The following ANTXR1 variants were observed in gnomAD, a reference collection of about 807,000 sequenced individuals.
ANTXR1 encodes anthrax toxin receptor 1.
Under a neutral mutation model 78.1 loss-of-function variants are expected in ANTXR1, and 19 were observed. The observed-to-expected ratio is 0.24, with a 90% CI of 0.17 to 0.36. The LOEUF is 0.36. Ranked by LOEUF, ANTXR1 falls within the 10% of genes least tolerant of loss-of-function variation. The pLI, the probability that ANTXR1 is intolerant of heterozygous loss-of-function variation, is 1.00. For synonymous variants in ANTXR1, 273 were observed against 260.5 expected (o/e 1.05, Z -0.46); for missense variants, 518 against 718.6 (o/e 0.72, Z 3.19).
Position 69,013,602 on chromosome 2 carries a change from G to A in ANTXR1, c.103G>A (p.Gly35Arg), listed in dbSNP as rs1027178399. The change falls in exon 1 of 18, where the codon GGG becomes AGG. Residue 35 changes from glycine (G) to arginine (R), a missense_variant. This residue lies in a region of ANTXR1 where 55 missense variants were observed against 52.5 expected (regional missense o/e 1.05). Coordinates refer to ENST00000303714, the MANE Select transcript of ANTXR1 (RefSeq NM_032208.3). This position sits in a 1 kb window ranked among gnomAD's most constrained non-coding sequence, Gnocchi z 5.0. The part of the protein sequence containing the change: ...CAGQGGRRED[G>R]GPACYGGFDL... ...CGGGCAAGGGGGACGCAGGGAGGAT[G>A]GGGGTCCAGCCTGCTACGGCGGATT... The A allele has an allele frequency of 2.6e-6, 4 of 1,561,398 alleles. No homozygotes were observed. The African/African-American group carries it at 4.0e-5, about 16-fold the overall frequency.
At chr2:69,151,460 G>A (rs1308764819) in intron 12 of ANTXR1, among the ~76,000 whole-genome samples, 1 of 152,052 alleles carries the variant, frequency 6.6e-6, no homozygotes, top group African/African-American at 2.4e-5. Context: ...ACCAAGTGGG[G>A]TCTCTGTTTG....
chr2:69,111,558 CTT>C (rs1671977548), intron 10 of ANTXR1, among the ~76,000 whole-genome samples: 1 of 152,314 alleles, frequency 6.6e-6, no homozygotes, highest in East Asian at 1.9e-4. Flanking sequence ...TATAGGCACA[CTT>C]TATTTTTTGA....
chr2:69,116,798 CAA>C (rs1672157617), intron 10 of ANTXR1, among the ~76,000 whole-genome samples: 1 of 152,138 alleles, frequency 6.6e-6, no homozygotes, highest in Admixed American at 6.5e-5. Context: ...ATATTTATAA[CAA>C]GAAAAGATTG....
intron 3 of ANTXR1, among the ~76,000 whole-genome samples, chr2:69,046,792 G>A (rs142536713): frequency 1.3e-5 from 2 of 152,274 alleles, no homozygotes; most frequent in East Asian, 1.9e-4. Context: ...ACAGGAATTT[G>A]TATTTTTCTA....
intron 17 of ANTXR1, among the ~76,000 whole-genome samples, chr2:69,232,421 G>A (rs1006908975): frequency 1.3e-5 from 2 of 150,014 alleles, no homozygotes; most frequent in African/African-American, 4.9e-5. Context: ...TAGCAATAAG[G>A]GATTAAACTC....
At chr2:69,138,930 A>G (rs1236879885) in intron 12 of ANTXR1, among the ~76,000 whole-genome samples, 2 of 152,206 alleles carry the variant, frequency 1.3e-5, no homozygotes, top group Non-Finnish European at 2.9e-5. Context: ...ATAGGTATCT[A>G]TAAAGCTCAA....
In ANTXR1 at chr2:69,246,231, A is replaced by C. The variant is rs1676018862; in HGVS notation, c.*746A>C. ...TCATGGGAGCATCAGCCAGTTTCTA[A>C]AACCCACAGGCCATCAGCAGCTAGA... On this transcript the variant is annotated 3_prime_UTR_variant, in exon 18 of 18. Coordinates refer to ENST00000303714, the MANE Select transcript of ANTXR1 (RefSeq NM_032208.3). The C allele has an allele frequency of 6.6e-6, 1 of 152,302 alleles. No individual in the cohort carries two copies. The highest frequency in any genetic ancestry group is 1.5e-5 in the Non-Finnish European group (1 of 68,038). 9.4% of individuals were successfully genotyped at this position (152,302 alleles called of 1,614,324 possible).
chr2:69,189,838 G>A (rs1674508249), intron 16 of ANTXR1, among the ~76,000 whole-genome samples: 1 of 152,186 alleles, frequency 6.6e-6, no homozygotes, highest in Non-Finnish European at 1.5e-5. Context: ...GCAGGTTTGG[G>A]GAGAAGAGTT....
At chr2:69,061,706 T>G (rs1670250499) in intron 3 of ANTXR1, among the ~76,000 whole-genome samples, 1 of 152,124 alleles carries the variant, frequency 6.6e-6, no homozygotes, top group Admixed American at 6.5e-5. Context: ...GAGATGTGAA[T>G]AAATAGGTCA....
intron 4 of ANTXR1, among the ~76,000 whole-genome samples, chr2:69,070,950 T>C (rs1421443412): frequency 2.0e-5 from 3 of 152,148 alleles, no homozygotes; most frequent in Non-Finnish European, 4.4e-5. Flanking sequence ...AATGGTTTGT[T>C]AGCTAATGGT....
At chr2:69,039,062 G>A (rs1038562864) in intron 1 of ANTXR1, among the ~76,000 whole-genome samples, 2 of 152,160 alleles carry the variant, frequency 1.3e-5, no homozygotes, top group African/African-American at 4.8e-5. Flanking sequence ...GAAAATGTTT[G>A]CAATACACAA....
intron 17 of ANTXR1, among the ~76,000 whole-genome samples, chr2:69,199,097 C>G (rs1252719807): frequency 6.6e-6 from 1 of 152,210 alleles, no homozygotes; most frequent in Non-Finnish European, 1.5e-5. Context: ...ACGGATAAGA[C>G]AAATTAACCA....
intron 10 of ANTXR1, among the ~76,000 whole-genome samples, chr2:69,109,970 T>TA (rs1012033999): frequency 2.0e-5 from 3 of 152,106 alleles, no homozygotes; most frequent in African/African-American, 4.8e-5. Flanking sequence ...TAAAATCGGT[T>TA]AAAAAAAGGT....
intron 12 of ANTXR1, among the ~76,000 whole-genome samples, chr2:69,140,289 A>G (rs540805116): frequency 6.6e-6 from 1 of 152,366 alleles, no homozygotes; most frequent in African/African-American, 2.4e-5. Flanking sequence ...CATATAAGGC[A>G]TAAAGTAATA....
chr2:69,087,776 C>T (rs1671100691), intron 8 of ANTXR1, among the ~76,000 whole-genome samples: 1 of 152,174 alleles, frequency 6.6e-6, no homozygotes, highest in Non-Finnish European at 1.5e-5. Flanking sequence ...CCGGGCCTCC[C>T]TACCCCCACA....
At chr2:69,133,471 AC>A (rs1354601972) in intron 12 of ANTXR1, among the ~76,000 whole-genome samples, 1 of 152,174 alleles carries the variant, frequency 6.6e-6, no homozygotes, top group African/African-American at 2.4e-5. Context: ...TTGGAGACTC[AC>A]CTTGAAGAGG....
intron 16 of ANTXR1, among the ~76,000 whole-genome samples, chr2:69,184,889 A>G (rs1674382191): frequency 6.6e-6 from 1 of 152,142 alleles, no homozygotes; most frequent in African/African-American, 2.4e-5. Flanking sequence ...AGGCCCAGTG[A>G]CCCAGAATCT....
At chr2:69,086,529 A>C (rs1470173140) in intron 8 of ANTXR1, among the ~76,000 whole-genome samples, 1 of 152,250 alleles carries the variant, frequency 6.6e-6, no homozygotes, top group African/African-American at 2.4e-5. Flanking sequence ...TATGGATTTC[A>C]AACATACTTT....
intron 14 of ANTXR1, among the ~76,000 whole-genome samples, chr2:69,181,257 G>A (rs1287179483): frequency 6.6e-6 from 1 of 152,202 alleles, no homozygotes; most frequent in Admixed American, 6.5e-5. Flanking sequence ...AGATCTTTAA[G>A]TAGTAGCAAC....
Sources: gnomAD v4.1 joint callset for allele counts (sites outside exome capture counted in the v4.1 genomes callset) on GRCh38, gnomAD v4.1.1 for gene constraint, gnomAD v4.1.1 regional missense constraint, Gnocchi (gnomAD v3.1) non-coding constraint, MANE v1.5 for transcripts, NCBI Gene and HGNC (gene_info 2026-07-23, HGNC 2026-07-21) for gene names.